The following THSD4 variants were observed in gnomAD, a reference collection of about 807,000 sequenced individuals.
The protein encoded by THSD4 is thrombospondin type 1 domain containing 4, also known as thrombospondin type-1 domain-containing protein 4.
A neutral mutation model predicts 119.0 loss-of-function variants in THSD4; 69 were observed. The observed-to-expected ratio is 0.58, with a 90% CI of 0.48 to 0.71. The LOEUF (loss-of-function observed/expected upper bound fraction) is 0.71, where lower values mean the gene tolerates loss of function less well. THSD4 is among the 30% of genes least tolerant of loss of function. THSD4 has a pLI of 0.00. For synonymous variants in THSD4, 524 were observed against 540.4 expected (o/e 0.97, Z 0.42); for missense variants, 1,393 against 1,391.1 (o/e 1.00, Z -0.02).
rs564312456 is a variant in THSD4 at position 71,326,702 on chromosome 15, T to A, written c.1015+69987T>A. ...AAAAAAAAAAAAAAAAAAAAAAAAA[T>A]ATATATATATATATATATATATATT... On this transcript the variant is annotated intron_variant, in intron 6 of 17. Coordinates refer to ENST00000261862, the MANE Select transcript of THSD4 (RefSeq NM_024817.3). Among the ~76,000 whole-genome samples, 110 of 25,238 alleles carry A rather than the reference T, an allele frequency of 4.4e-3. 1 individual carries two copies. The highest frequency in any genetic ancestry group is 5.8e-3 in the African/African-American group (40 of 6,898). 16.6% of individuals were successfully genotyped at this position (25,238 alleles called of 152,430 possible). A position where few individuals can be genotyped will look rare whatever the true frequency, so the allele number is the denominator to read the frequency against.
chr15:71,653,085 A>G (rs994562182), intron 7 of THSD4, among the ~76,000 whole-genome samples: 1 of 152,138 alleles, frequency 6.6e-6, no homozygotes, highest in Non-Finnish European at 1.5e-5. Flanking sequence ...TGATCTTTTG[A>G]TTCTTCAACC....
At chr15:71,384,830 C>T (rs888664467) in intron 6 of THSD4, among the ~76,000 whole-genome samples, 1 of 152,192 alleles carries the variant, frequency 6.6e-6, no homozygotes, top group Admixed American at 6.5e-5. Context: ...TAAAGGTAGA[C>T]ATGACAAGAA....
At chr15:71,299,026 T>C (rs973393631) in intron 6 of THSD4, among the ~76,000 whole-genome samples, 1 of 152,196 alleles carries the variant, frequency 6.6e-6, no homozygotes. Flanking sequence ...TGCCCTGTTA[T>C]TTCATGAGTC....
intron 6 of THSD4, among the ~76,000 whole-genome samples, chr15:71,312,133 C>G (rs907747759): frequency 2.0e-5 from 3 of 152,176 alleles, no homozygotes; most frequent in Non-Finnish European, 2.9e-5. Flanking sequence ...CATGTTGAGT[C>G]CTAGCTTCCA....
chr15:71,451,591 A>G (rs2047266649), intron 7 of THSD4, among the ~76,000 whole-genome samples: 1 of 152,208 alleles, frequency 6.6e-6, no homozygotes, highest in African/African-American at 2.4e-5. Context: ...CATGATTTGC[A>G]TTAACACTTG....
intron 7 of THSD4, among the ~76,000 whole-genome samples, chr15:71,548,971 T>G (rs771771021): frequency 1.3e-5 from 2 of 152,212 alleles, no homozygotes; most frequent in African/African-American, 4.8e-5. Context: ...AGGGCAGGCT[T>G]TAGTTACCTG....
chr15:71,320,658 C>T (rs912030213), intron 6 of THSD4, among the ~76,000 whole-genome samples: 3 of 152,220 alleles, frequency 2.0e-5, no homozygotes, highest in African/African-American at 7.2e-5. Flanking sequence ...TCCATCCATA[C>T]CTTTCCTCAC....
At chr15:71,367,727 A>G (rs2045984164) in intron 6 of THSD4, among the ~76,000 whole-genome samples, 1 of 152,238 alleles carries the variant, frequency 6.6e-6, no homozygotes, top group Non-Finnish European at 1.5e-5. Context: ...TATTGTGAAC[A>G]GTGCTGCAAT....
chr15:71,206,359 C>G (rs1041863772), intron 3 of THSD4, among the ~76,000 whole-genome samples: 14 of 152,182 alleles, frequency 9.2e-5, no homozygotes, highest in African/African-American at 2.9e-4. Flanking sequence ...CGAGCTCCTG[C>G]ACAGGCCCCA....
rs1555431559 is a variant in THSD4 at position 71,608,237 on chromosome 15, AAT to A, written c.1153-52281_1153-52280del. ...AACTCTGTCTCAAAAAAAAAAAAAA[AAT>A]ATATATATATACACACACACACACA... On this transcript the variant is annotated intron_variant, in intron 7 of 17. Coordinates refer to ENST00000261862, the MANE Select transcript of THSD4 (RefSeq NM_024817.3). 2.2e-3 allele frequency among the ~76,000 whole-genome samples: 247 copies of A among 111,546 alleles called. 2 individuals carry two copies. The highest frequency in any genetic ancestry group is 5.0e-3 in the Middle Eastern group (1 of 202). 73.2% of individuals were successfully genotyped at this position (111,546 alleles called of 152,430 possible). A position where few individuals can be genotyped will look rare whatever the true frequency, so the allele number is the denominator to read the frequency against.
intron 7 of THSD4, among the ~76,000 whole-genome samples, chr15:71,444,640 G>C (rs900725480): frequency 2.0e-5 from 3 of 152,172 alleles, no homozygotes; most frequent in African/African-American, 7.2e-5. Context: ...TTGGGTTTCT[G>C]ATTTTGGTGA....
In THSD4 at chr15:71,206,889, C is replaced by T. The variant is rs548943265; in HGVS notation, c.100-8146C>T. On this transcript the variant is annotated intron_variant, in intron 3 of 17. Transcript: ENST00000261862. ...ACCATGACTGAAATTTTTTAAATTA[C>T]GAGAAAACTTATCCTGGGTCCAGCT... Among the ~76,000 whole-genome samples the T allele has an allele frequency of 3.5e-4, 54 of 152,218 alleles. No individual in the cohort carries two copies. In the South Asian group the frequency reaches 0.011, roughly 30 times the overall value.
At chr15:71,375,595 G>A (rs2046124854) in intron 6 of THSD4, among the ~76,000 whole-genome samples, 1 of 152,182 alleles carries the variant, frequency 6.6e-6, no homozygotes, top group African/African-American at 2.4e-5. Context: ...TATTGATGAT[G>A]TCCTCTGTGA....
chr15:71,339,818 G>A (rs1367274619), intron 6 of THSD4, among the ~76,000 whole-genome samples: 1 of 151,980 alleles, frequency 6.6e-6, no homozygotes, highest in Non-Finnish European at 1.5e-5. Flanking sequence ...AGGCTAGAGT[G>A]CAGTGGCGCG....
intron 7 of THSD4, among the ~76,000 whole-genome samples, chr15:71,545,792 C>T (rs189271648): frequency 5.3e-5 from 8 of 152,158 alleles, no homozygotes; most frequent in Non-Finnish European, 1.0e-4. Context: ...TCTTACAGCC[C>T]TGTAAAAAGG....
chr15:71,535,438 T>C (rs945908729), intron 7 of THSD4, among the ~76,000 whole-genome samples: 10 of 152,218 alleles, frequency 6.6e-5, no homozygotes, highest in African/African-American at 9.7e-5. Context: ...TGAATAATGC[T>C]GCTACGAACA....
At chr15:71,119,444 C>T (rs1274072774) in intron 1 of THSD4, among the ~76,000 whole-genome samples, 1 of 152,144 alleles carries the variant, frequency 6.6e-6, no homozygotes, top group Non-Finnish European at 1.5e-5. Context: ...GTTAATACGC[C>T]ACTTTATCCC....
At chr15:71,250,690 ATCT>A (rs1203398673) in intron 5 of THSD4, among the ~76,000 whole-genome samples, 1 of 152,146 alleles carries the variant, frequency 6.6e-6, no homozygotes, top group African/African-American at 2.4e-5. Flanking sequence ...TCTTTTTTAG[ATCT>A]TCTTACAGAC....
chr15:71,141,458 G>C lies in THSD4; in HGVS notation c.-70G>C. ...TTGTTCATTTCCATAGGACTTGAAC[G>C]CAACTCCCAATTGCAGAAAATTGGC... is the stretch of plus-strand genomic sequence containing the variant. On this transcript the variant is annotated 5_prime_UTR_variant, in exon 2 of 18. Coordinates refer to ENST00000261862, the MANE Select transcript of THSD4 (RefSeq NM_024817.3). The C allele has an allele frequency of 6.7e-7, 1 of 1,490,102 alleles. No homozygotes were observed. Among genetic ancestry groups the C allele is most frequent in the Non-Finnish European group, 9.1e-7 (1 of 1,098,490 alleles). 92.3% of individuals were successfully genotyped at this position (1,490,102 alleles called of 1,614,324 possible). A position where few individuals can be genotyped will look rare whatever the true frequency, so the allele number is the denominator to read the frequency against.
Sources: gnomAD v4.1 joint callset for allele counts (sites outside exome capture counted in the v4.1 genomes callset) on GRCh38, gnomAD v4.1.1 for gene constraint, MANE v1.5 for transcripts, NCBI Gene and HGNC (gene_info 2026-07-23, HGNC 2026-07-21) for gene names.